Variants in SMIM13 observed in about 807,000 individuals in gnomAD.
The protein encoded by SMIM13 is small integral membrane protein 13.
A neutral mutation model predicts 5.9 loss-of-function variants in SMIM13; 3 were observed. The observed-to-expected ratio is 0.51, with a 90% CI of 0.23 to 1.31. SMIM13 has a LOEUF of 1.31. Among genes scored for constraint, SMIM13 ranks in the 40% most tolerant of loss-of-function variants. The pLI, the probability that SMIM13 is intolerant of heterozygous loss-of-function variation, is 0.18. For missense variants in SMIM13, 85 were observed against 109.9 expected, an observed-to-expected ratio of 0.77 and a Z score of 1.01; for synonymous variants, 55 against 46.0, an observed-to-expected ratio of 1.19 and a Z score of -0.79.
intron 1 of SMIM13, among the ~76,000 whole-genome samples, chr6:11,126,489 A>T (rs1758378982): frequency 6.6e-6 from 1 of 152,238 alleles, no homozygotes; most frequent in African/African-American, 2.4e-5. Flanking sequence ...TTGATTTAAA[A>T]AAATTATTTC....
Position 11,108,532 on chromosome 6 carries a change from C to G in SMIM13, c.76+14143C>G, listed in dbSNP as rs529609731. Among the ~76,000 whole-genome samples, 8 of 152,290 alleles carry G rather than the reference C, an allele frequency of 5.3e-5. No individual in the cohort carries two copies. The East Asian group carries it at 1.4e-3, about 26-fold the overall frequency. On this transcript the variant is annotated intron_variant, in intron 1 of 1. Coordinates refer to ENST00000416247, the MANE Select transcript of SMIM13 (RefSeq NM_001135575.2). ...GTGGGTGTCCCCATCAGTTTGGGCA[C>G]TGCCTTCTTGTGTGGCCTGGCTCCC... is the stretch of plus-strand genomic sequence containing the variant.
At chr6:11,104,448 A>T in intron 1 of SMIM13, 2 of 1,551,884 alleles carry the variant, frequency 1.3e-6, no homozygotes, top group Non-Finnish European at 1.7e-6. Flanking sequence ...GCATGTAGAG[A>T]TATGGAAATG....
chr6:11,125,053 G>A (rs1035097926), intron 1 of SMIM13, among the ~76,000 whole-genome samples: 14 of 152,102 alleles, frequency 9.2e-5, no homozygotes, highest in Non-Finnish European at 1.3e-4. Flanking sequence ...TGAGGCCAGT[G>A]GATCACCTGA....
At chr6:11,113,556 T>C (rs1758197778) in intron 1 of SMIM13, among the ~76,000 whole-genome samples, 1 of 152,206 alleles carries the variant, frequency 6.6e-6, no homozygotes, top group African/African-American at 2.4e-5. Context: ...AAGTATTTTC[T>C]TCTATTCTGT....
intron 1 of SMIM13, among the ~76,000 whole-genome samples, chr6:11,116,508 T>C (rs941001680): frequency 5.9e-5 from 9 of 152,240 alleles, no homozygotes; most frequent in African/African-American, 2.2e-4. Flanking sequence ...TTTGGAAAGA[T>C]TTTCAACTAC....
At chr6:11,115,355 G>A (rs533361688) in intron 1 of SMIM13, among the ~76,000 whole-genome samples, 1 of 152,284 alleles carries the variant, frequency 6.6e-6, no homozygotes, top group African/African-American at 2.4e-5. Context: ...GCCTGGCTGC[G>A]TTCCTTTCTG....
At chr6:11,112,790 G>A (rs928235885) in intron 1 of SMIM13, among the ~76,000 whole-genome samples, 1 of 152,026 alleles carries the variant, frequency 6.6e-6, no homozygotes, top group Non-Finnish European at 1.5e-5. Context: ...GCTTTTGGCT[G>A]TTAGTATTAT....
chr6:11,112,723 G>C (rs552465611), intron 1 of SMIM13, among the ~76,000 whole-genome samples: 1 of 152,134 alleles, frequency 6.6e-6, no homozygotes, highest in African/African-American at 2.4e-5. Flanking sequence ...CCATTGTATA[G>C]ATATACCACA....
rs749262882 is a variant in SMIM13 at position 11,105,182 on chromosome 6, G to A, written c.76+10793G>A. The A allele has an allele frequency of 3.1e-6, 5 of 1,614,058 alleles. No individual in the cohort carries two copies. In the Admixed American group the frequency reaches 8.3e-5, roughly 27 times the overall value. The stretch of plus-strand genomic sequence containing the variant: ...CAGTGGAAGAGCTAGTACATAACCA[G>A]CAATTGGTGGAGTAAGGGGATCCTG... On this transcript the variant is annotated intron_variant, in intron 1 of 1. Transcript: ENST00000416247.
intron 1 of SMIM13, among the ~76,000 whole-genome samples, chr6:11,115,898 G>A (rs1472580643): frequency 6.6e-6 from 1 of 151,252 alleles, no homozygotes; most frequent in Admixed American, 6.6e-5. Context: ...TGTTGGTCAG[G>A]CTGGTCTCGA....
chr6:11,122,893 A>T (rs996785778), intron 1 of SMIM13, among the ~76,000 whole-genome samples: 4 of 151,336 alleles, frequency 2.6e-5, no homozygotes, highest in Non-Finnish European at 4.4e-5. Context: ...TGTTCCCTCT[A>T]CTCCCCTCTT....
At position 11,135,934 on chromosome 6, in the gene SMIM13, C is replaced by CT. The variant is rs1194512954; in HGVS notation, c.*1337dup. The CT allele has an allele frequency of 6.6e-6, 1 of 151,938 alleles. No individual in the cohort carries two copies. Among genetic ancestry groups the CT allele is most frequent in the Non-Finnish European group, 1.5e-5 (1 of 68,002 alleles). The allele number at this position is 151,938 out of a possible 1,614,324, so 9.4% of individuals were successfully genotyped here. A position where few individuals can be genotyped will look rare whatever the true frequency, so the allele number is the denominator to read the frequency against. ...AATGGTAGCTTGTAAATTTATTTTT[C>CT]TTTTTAAGATAGCAGTTATTTATTG... On this transcript the variant is annotated 3_prime_UTR_variant, in exon 2 of 2. Coordinates refer to ENST00000416247, the MANE Select transcript of SMIM13 (RefSeq NM_001135575.2).
At chr6:11,132,368 A>C (rs531136255) in intron 1 of SMIM13, among the ~76,000 whole-genome samples, 2 of 152,306 alleles carry the variant, frequency 1.3e-5, no homozygotes, top group South Asian at 4.1e-4. Flanking sequence ...GTGTTTAAAC[A>C]CAGAGTTACC....
At chr6:11,132,411 C>T (rs990066747) in intron 1 of SMIM13, among the ~76,000 whole-genome samples, 4 of 152,094 alleles carry the variant, frequency 2.6e-5, no homozygotes, top group Non-Finnish European at 5.9e-5. Flanking sequence ...TAGATAGATA[C>T]ACCCGAGATA....
At position 11,137,990 on chromosome 6, in the gene SMIM13, G is replaced by A. The variant is rs1440136632; in HGVS notation, c.*3388G>A. Reference sequence around the variant, plus strand: ...ATAAAGTAATGGATTCACAAAATATGATATCTTAAAACATGTTGAAAGATT... The same window carrying A: ...ATAAAGTAATGGATTCACAAAATATAATATCTTAAAACATGTTGAAAGATT... On this transcript the variant is annotated 3_prime_UTR_variant, in exon 2 of 2. Coordinates refer to ENST00000416247, the MANE Select transcript of SMIM13 (RefSeq NM_001135575.2). The A allele has an allele frequency of 2.6e-5, 4 of 152,150 alleles. No homozygotes were observed. Among genetic ancestry groups the A allele is most frequent in the Non-Finnish European group, 5.9e-5 (4 of 68,026 alleles). The allele number at this position is 152,150 out of a possible 1,614,324, so 9.4% of individuals were successfully genotyped here. A position where few individuals can be genotyped will look rare whatever the true frequency, so the allele number is the denominator to read the frequency against.
intron 1 of SMIM13, among the ~76,000 whole-genome samples, chr6:11,094,989 C>T (rs1327074760): frequency 2.0e-5 from 3 of 152,142 alleles, no homozygotes; most frequent in African/African-American, 7.2e-5. Flanking sequence ...TGCGTATTTT[C>T]CTTCTTGGAA....
intron 1 of SMIM13, among the ~76,000 whole-genome samples, chr6:11,097,137 C>T (rs1275987604): frequency 6.6e-6 from 1 of 152,138 alleles, no homozygotes; most frequent in African/African-American, 2.4e-5. Context: ...CCATGCCCAG[C>T]CAAACGCATT....
rs577066973 is a variant in SMIM13, at chr6:11,105,259, G to A, written c.76+10870G>A. On this transcript the variant is annotated intron_variant, in intron 1 of 1. Transcript: ENST00000416247. The stretch of plus-strand genomic sequence containing the variant: ...TCCAATAACGGGAAATCAGGATGGC[G>A]GTAGGCTGCTAGTGAAGGCGTGAGA... 89 of 1,614,090 alleles carry A rather than the reference G, an allele frequency of 5.5e-5. No homozygotes were observed. The Admixed American group carries it at 9.7e-4, about 18-fold the overall frequency.
intron 1 of SMIM13, chr6:11,104,111 C>G (rs1467374171): frequency 6.4e-7 from 1 of 1,550,878 alleles, no homozygotes; most frequent in Admixed American, 2.0e-5. Flanking sequence ...CTTGCATGGT[C>G]GTTAAGGCTT....
Sources: gnomAD v4.1 joint callset for allele counts (sites outside exome capture counted in the v4.1 genomes callset) on GRCh38, gnomAD v4.1.1 for gene constraint, MANE v1.5 for transcripts, NCBI Gene and HGNC (gene_info 2026-07-23, HGNC 2026-07-21) for gene names.